The following TRPM3 variants were observed in gnomAD, a reference collection of about 807,000 sequenced individuals.
TRPM3 encodes transient receptor potential cation channel subfamily M member 3, also known as long transient receptor potential channel 3.
Under a neutral mutation model 181.2 loss-of-function variants are expected in TRPM3, and 77 were observed. The observed-to-expected ratio is 0.42, with a 90% CI of 0.35 to 0.51. The LOEUF is 0.51. Among genes scored for constraint, TRPM3 ranks in the 20% least tolerant of loss-of-function variants. The pLI, the probability that TRPM3 is intolerant of heterozygous loss-of-function variation, is 0.01. For synonymous variants in TRPM3, 745 were observed against 796.4 expected (o/e 0.94, Z 1.09); for missense variants, 1,759 against 2,196.7 (o/e 0.80, Z 3.98).
chr9:70,550,000 A>C (rs2046076574), intron 24 of TRPM3, among the ~76,000 whole-genome samples: 1 of 152,194 alleles, frequency 6.6e-6, no homozygotes. Flanking sequence ...AGTATCTTAA[A>C]AGCTCAAAAA....
intron 6 of TRPM3, among the ~76,000 whole-genome samples, chr9:70,784,641 C>T (rs1261204650): frequency 6.6e-6 from 1 of 152,180 alleles, no homozygotes; most frequent in Non-Finnish European, 1.5e-5. Flanking sequence ...TGAACATGAT[C>T]TGAAGCAAGT....
At chr9:71,033,272 C>A (rs925244090) in intron 1 of TRPM3, among the ~76,000 whole-genome samples, 8 of 152,214 alleles carry the variant, frequency 5.3e-5, no homozygotes, top group African/African-American at 1.9e-4. Context: ...GTACTGAGAG[C>A]AAGGTCCCTG....
chr9:71,296,081 A>G (rs1325518122), intron 1 of TRPM3, among the ~76,000 whole-genome samples: 1 of 152,130 alleles, frequency 6.6e-6, no homozygotes, highest in Non-Finnish European at 1.5e-5. Flanking sequence ...AAGAAATACT[A>G]AGTATAGATG....
intron 1 of TRPM3, among the ~76,000 whole-genome samples, chr9:71,254,587 T>G (rs919168498): frequency 6.6e-6 from 1 of 152,234 alleles, no homozygotes; most frequent in Non-Finnish European, 1.5e-5. Context: ...ATGATGTACA[T>G]GATAAATATA....
chr9:71,022,145 A>G (rs1193931041), intron 1 of TRPM3, among the ~76,000 whole-genome samples: 1 of 152,214 alleles, frequency 6.6e-6, no homozygotes, highest in Non-Finnish European at 1.5e-5. Context: ...CAAGTCTTAC[A>G]ATATAGCTAC....
At chr9:70,751,536 AAAG>A (rs1298477734) in intron 8 of TRPM3, among the ~76,000 whole-genome samples, 2 of 152,166 alleles carry the variant, frequency 1.3e-5, no homozygotes, top group African/African-American at 4.8e-5. Flanking sequence ...GACTGAGAAA[AAAG>A]AAGTTTCAGG....
intron 6 of TRPM3, among the ~76,000 whole-genome samples, chr9:70,803,033 T>TGAAAAAAA (rs2089610726): frequency 2.3e-5 from 1 of 42,890 alleles, no homozygotes; most frequent in Admixed American, 3.4e-4. Context: ...AGAAATTTTG[T>TGAAAAAAA]AAAAAAAAAA....
intron 1 of TRPM3, among the ~76,000 whole-genome samples, chr9:71,334,800 T>C (rs908085212): frequency 6.6e-6 from 1 of 152,180 alleles, no homozygotes; most frequent in African/African-American, 2.4e-5. Flanking sequence ...TTACTTCCTT[T>C]ATATTTTTAC....
intron 1 of TRPM3, among the ~76,000 whole-genome samples, chr9:71,159,891 A>C (rs962913913): frequency 4.6e-5 from 7 of 152,076 alleles, no homozygotes; most frequent in Admixed American, 6.6e-5. Flanking sequence ...TTTACTCCAT[A>C]TTTTCTATGA....
At chr9:71,043,330 G>A (rs2059043989) in intron 1 of TRPM3, among the ~76,000 whole-genome samples, 1 of 152,192 alleles carries the variant, frequency 6.6e-6, no homozygotes, top group African/African-American at 2.4e-5. Context: ...GGGAAGAAAA[G>A]ATGGAGGAGC....
At chr9:70,741,839 G>T (rs185491185) in intron 8 of TRPM3, among the ~76,000 whole-genome samples, 4 of 152,116 alleles carry the variant, frequency 2.6e-5, no homozygotes, top group African/African-American at 7.2e-5. Flanking sequence ...TGGGAAGGGG[G>T]TGAGGGATAA....
chr9:71,047,810 TCACACA>T (rs56653631), intron 1 of TRPM3, among the ~76,000 whole-genome samples: 10,638 of 141,416 alleles, frequency 0.075, 790 homozygotes, highest in African/African-American at 0.21. Context: ...ACTGGCTGCA[TCACACA>T]CACACACACA....
chr9:70,884,556 T>G (rs1296701113), intron 1 of TRPM3, among the ~76,000 whole-genome samples: 1 of 152,182 alleles, frequency 6.6e-6, no homozygotes, highest in Non-Finnish European at 1.5e-5. Flanking sequence ...GAAGTAAACT[T>G]TGTGTTTTAT....
chr9:71,424,580 T>TA (rs1175352826), intron 1 of TRPM3, among the ~76,000 whole-genome samples: 1 of 152,156 alleles, frequency 6.6e-6, no homozygotes. Context: ...TGGTTTCCTC[T>TA]TATTCTGAAT....
At chr9:71,261,549 T>C (rs2132075074) in intron 1 of TRPM3, among the ~76,000 whole-genome samples, 1 of 152,340 alleles carries the variant, frequency 6.6e-6, no homozygotes, top group South Asian at 2.1e-4. Flanking sequence ...GTTCCCTTGC[T>C]GGCGAGGAGT....
intron 22 of TRPM3, among the ~76,000 whole-genome samples, chr9:70,581,740 C>T (rs2055748251): frequency 6.6e-6 from 1 of 152,194 alleles, no homozygotes; most frequent in Non-Finnish European, 1.5e-5. Context: ...GGATGCATGG[C>T]AACCACCGCC....
chr9:71,352,094 C>T (rs2091671388), intron 1 of TRPM3, among the ~76,000 whole-genome samples: 2 of 152,012 alleles, frequency 1.3e-5, no homozygotes, highest in South Asian at 4.1e-4. Context: ...CCAGGATGGT[C>T]TCGATCTCCT....
rs563846858 is a variant in TRPM3 at position 71,328,486 on chromosome 9, C to T, written c.183+118167G>A. 3.3e-5 allele frequency among the ~76,000 whole-genome samples: 5 copies of T among 152,234 alleles called. No individual in the cohort carries two copies. In the South Asian group the frequency reaches 8.3e-4, roughly 25 times the overall value. ...CGGCCGACTTCTCTTTTATCTTCCC[C>T]ACATATGTGGAAGCTCAACCTGTCC... On this transcript the variant is annotated intron_variant, in intron 1 of 24. Transcript: ENST00000357533.
At chr9:71,323,878 T>C (rs1015972693) in intron 1 of TRPM3, among the ~76,000 whole-genome samples, 2 of 152,152 alleles carry the variant, frequency 1.3e-5, no homozygotes, top group East Asian at 1.9e-4. Flanking sequence ...TGTACTTTAT[T>C]TGCTGATCTT....
Sources: allele counts gnomAD v4.1 joint callset (sites outside exome capture counted in the v4.1 genomes callset), GRCh38; gene constraint gnomAD v4.1.1; transcripts MANE v1.5; gene names NCBI Gene and HGNC (gene_info 2026-07-23, HGNC 2026-07-21).